OSBPL9: variants seen among roughly 807,000 people sequenced by gnomAD.
OSBPL9 encodes oxysterol-binding protein-related protein 9.
A neutral mutation model predicts 106.6 loss-of-function variants in OSBPL9; 40 were observed. The observed-to-expected ratio is 0.38, with a 90% confidence interval of 0.29 to 0.49. The LOEUF is 0.49. OSBPL9 is among the 20% of genes least tolerant of loss of function. The pLI, the probability that OSBPL9 is intolerant of heterozygous loss-of-function variation, is 0.97. For missense variants in OSBPL9, 609 were observed against 887.2 expected (o/e 0.69, Z 3.98); for synonymous variants, 269 against 295.4 (o/e 0.91, Z 0.92).
At chr1:51,786,037 A>G in intron 21 of OSBPL9, 151 bp downstream of exon 21, 1 of 666,254 alleles carries the variant, frequency 1.5e-6, no homozygotes, top group Non-Finnish European at 2.6e-6. Context: ...AGTGTATGTC[A>G]TCTCTTCAGG....
the OSBPL9 span, among the ~76,000 whole-genome samples, chr1:51,520,586 T>C: frequency 1.1e-4 from 17 of 152,234 alleles, no homozygotes; most frequent in Non-Finnish European, 1.9e-4. Context: ...TTTGCCCGAA[T>C]TGGTCTTAAT....
upstream of OSBPL9, among the ~76,000 whole-genome samples, chr1:51,573,044 T>C (rs954139959): frequency 3.9e-5 from 6 of 152,032 alleles, no homozygotes; most frequent in Admixed American, 2.0e-4. Context: ...AAATCCTGTC[T>C]CTACTAAAAA....
the OSBPL9 span, among the ~76,000 whole-genome samples, chr1:51,555,817 C>T: frequency 2.6e-5 from 4 of 152,094 alleles, no homozygotes; most frequent in Admixed American, 6.5e-5. Context: ...ATGATCCACC[C>T]GCCTTGGCCT....
chr1:51,587,135 G>A (rs1001136143), intron 1 of OSBPL9, among the ~76,000 whole-genome samples: 3 of 152,172 alleles, frequency 2.0e-5, no homozygotes, highest in Non-Finnish European at 4.4e-5. Flanking sequence ...GGAGGCCGAG[G>A]TGGACAGATC....
intron 1 of OSBPL9, among the ~76,000 whole-genome samples, chr1:51,649,817 G>T (rs574438999): frequency 6.7e-6 from 1 of 148,368 alleles, no homozygotes; most frequent in African/African-American, 2.5e-5. Flanking sequence ...CTGGATTTGC[G>T]TGATTATTTC....
At chr1:51,718,713 T>C (rs1396250724) in intron 4 of OSBPL9, among the ~76,000 whole-genome samples, 2 of 152,200 alleles carry the variant, frequency 1.3e-5, no homozygotes, top group Non-Finnish European at 2.9e-5. Context: ...CTTACTGACT[T>C]CTTGTTGGTT....
At chr1:51,522,053 G>A in the OSBPL9 span, among the ~76,000 whole-genome samples, 617 of 152,134 alleles carry the variant, frequency 4.1e-3, 6 homozygotes, top group African/African-American at 0.014. Context: ...CACCGTGCCC[G>A]GCCAAATGTT....
intron 15 of OSBPL9, among the ~76,000 whole-genome samples, chr1:51,780,064 C>T (rs569163896): frequency 1.4e-5 from 2 of 145,332 alleles, no homozygotes; most frequent in South Asian, 2.2e-4. Context: ...GACAACAGAG[C>T]GAGACTCCAT....
At chr1:51,637,580 T>A (rs1645529985) in intron 1 of OSBPL9, among the ~76,000 whole-genome samples, 1 of 152,260 alleles carries the variant, frequency 6.6e-6, no homozygotes, top group African/African-American at 2.4e-5. Context: ...ACTAGCACAG[T>A]GTCTGGCACA....
chr1:51,670,425 T>A (rs1162310361), intron 3 of OSBPL9, among the ~76,000 whole-genome samples: 1 of 152,236 alleles, frequency 6.6e-6, no homozygotes, highest in Non-Finnish European at 1.5e-5. Flanking sequence ...AATACATTTA[T>A]TGCTTAAAAA....
intron 2 of OSBPL9, among the ~76,000 whole-genome samples, chr1:51,660,777 C>A (rs900149990): frequency 6.6e-6 from 1 of 152,220 alleles, no homozygotes; most frequent in Admixed American, 6.5e-5. Flanking sequence ...TCACTCCTCT[C>A]TAGACTGTAT....
chr1:51,558,622 A>G, the OSBPL9 span, among the ~76,000 whole-genome samples: 1 of 152,066 alleles, frequency 6.6e-6, no homozygotes, highest in Admixed American at 6.6e-5. Flanking sequence ...CACCCAACCA[A>G]TTGGCATTCC....
At chr1:51,634,990 T>A (rs1188612552) in intron 1 of OSBPL9, among the ~76,000 whole-genome samples, 1 of 152,096 alleles carries the variant, frequency 6.6e-6, no homozygotes, top group African/African-American at 2.4e-5. Context: ...TCTCACCAGG[T>A]CCCTCCTACA....
At chr1:51,648,936 G>T (rs1220756522) in intron 1 of OSBPL9, among the ~76,000 whole-genome samples, 1 of 151,958 alleles carries the variant, frequency 6.6e-6, no homozygotes, top group African/African-American at 2.4e-5. Context: ...TTATTTAACG[G>T]TGTTATTTTT....
At chr1:51,622,474 C>G (rs1644500519) in intron 1 of OSBPL9, among the ~76,000 whole-genome samples, 1 of 152,198 alleles carries the variant, frequency 6.6e-6, no homozygotes, top group Non-Finnish European at 1.5e-5. Context: ...TTTGTTACCT[C>G]ATAGTTTTCG....
At chr1:51,706,617 C>T (rs935629495) in intron 3 of OSBPL9, among the ~76,000 whole-genome samples, 2 of 151,196 alleles carry the variant, frequency 1.3e-5, no homozygotes, top group Admixed American at 6.6e-5. Context: ...TCCTTTTCTA[C>T]TCATTTTGAA....
the OSBPL9 span, among the ~76,000 whole-genome samples, chr1:51,530,028 A>G: frequency 2.0e-5 from 3 of 151,404 alleles, no homozygotes; most frequent in African/African-American, 4.9e-5. Flanking sequence ...AAAATTAGCC[A>G]GGTGTGGTGG....
the OSBPL9 span, among the ~76,000 whole-genome samples, chr1:51,534,586 A>G: frequency 0.015 from 2,332 of 152,298 alleles, 19 homozygotes; most frequent in Middle Eastern, 0.031. Flanking sequence ...GTGGATAAGA[A>G]TTAAAGGTGA....
chr1:51,713,594 G>A (rs1296050456), intron 3 of OSBPL9, among the ~76,000 whole-genome samples: 4 of 152,188 alleles, frequency 2.6e-5, no homozygotes, highest in Non-Finnish European at 5.9e-5. Flanking sequence ...CCTGGAATTT[G>A]CAATGCCTCC....
Sources: gnomAD v4.1 joint callset for allele counts (sites outside exome capture counted in the v4.1 genomes callset) on GRCh38, gnomAD v4.1.1 for gene constraint, MANE v1.5 for transcripts, NCBI Gene and HGNC (gene_info 2026-07-23, HGNC 2026-07-21) for gene names.